The following FMR1NB variants were observed in gnomAD, a reference collection of about 807,000 sequenced individuals.
The protein encoded by FMR1NB is FMR1 neighbor protein.
FMR1NB carries 10 observed loss-of-function variants against 16.8 expected under a neutral mutation model. The ratio of observed to expected loss-of-function variants is 0.60; its 90% CI spans 0.37 to 1.01. The LOEUF (loss-of-function observed/expected upper bound fraction) is 1.01. Ranked by LOEUF, FMR1NB falls within the 50% of genes least tolerant of loss-of-function variation. The probability of loss-of-function intolerance (pLI) is 0.01; values close to 1 mark genes in which losing one functional copy is unlikely to be tolerated. For missense variants in FMR1NB, 205 were observed against 204.8 expected (o/e 1.00, Z 0.00); for synonymous variants, 83 against 79.1 (o/e 1.05, Z -0.26).
intron 1 of FMR1NB, among the ~76,000 whole-genome samples, chrX:147,997,942 T>A (rs1436594838): frequency 5.2e-4 from 58 of 112,451 alleles, no homozygotes; most frequent in African/African-American, 1.9e-3. Context: ...ATCATTAAAA[T>A]GTGTGGAAAC....
At chrX:147,999,107 C>T (rs1236794791) in intron 1 of FMR1NB, among the ~76,000 whole-genome samples, 1 of 111,760 alleles carries the variant, frequency 8.9e-6, no homozygotes, top group Non-Finnish European at 1.9e-5. Context: ...ACTTGTGTTT[C>T]ATGTCAAGCC....
intron 1 of FMR1NB, among the ~76,000 whole-genome samples, chrX:147,989,571 C>A (rs60366847): frequency 0.02 from 2,270 of 112,047 alleles, 57 homozygotes; most frequent in African/African-American, 0.069. Context: ...CTGCTCTCTT[C>A]AGAAGTGGCA....
chrX:148,001,766 A>G (rs2044571791), intron 1 of FMR1NB, among the ~76,000 whole-genome samples: 2 of 111,246 alleles, frequency 1.8e-5, no homozygotes, highest in Admixed American at 1.9e-4. Flanking sequence ...AAAATAAAAG[A>G]AAAGATAAAA....
At chrX:147,991,464 C>T (rs782241654) in intron 1 of FMR1NB, among the ~76,000 whole-genome samples, 2 of 109,717 alleles carry the variant, frequency 1.8e-5, no homozygotes, top group East Asian at 5.8e-4. Flanking sequence ...CCTCTTTCAC[C>T]TCCCCTCACA....
chrX:148,024,978 G>T lies in FMR1NB; in HGVS notation c.746G>T (p.Arg249Leu). Residue 249 changes from arginine to leucine, a missense_variant, in exon 5 of 6, where the codon CGT (arginine) becomes CTT (leucine). Coordinates refer to ENST00000370467, the MANE Select transcript of FMR1NB (RefSeq NM_152578.3). ...SEMLQKAARG[R>L]EEHGDE ...ATGTTACAGAAAGCAGCAAGAGGAC[G>T]TGAGGAACATGGTGACGAGTAGCAA... 1 of 1,210,824 alleles carries T rather than the reference G, an allele frequency of 8.3e-7. No homozygotes were observed.
At chrX:148,000,000 A>T (rs1462111464) in intron 1 of FMR1NB, among the ~76,000 whole-genome samples, 4 of 112,019 alleles carry the variant, frequency 3.6e-5, no homozygotes, top group African/African-American at 1.3e-4. Flanking sequence ...AAATAAAGAT[A>T]CAGAGCATTT....
chrX:148,017,827 A>G (rs1220519612), intron 4 of FMR1NB, among the ~76,000 whole-genome samples: 3 of 105,485 alleles, frequency 2.8e-5, no homozygotes, highest in Admixed American at 2.0e-4. Flanking sequence ...ACTGAGAATG[A>G]TGATTTCCAA....
At position 148,024,850 on chromosome X, in the gene FMR1NB, C is replaced by CT; in HGVS notation, c.633-10dup. 1 of 1,205,363 alleles carries CT rather than the reference C, an allele frequency of 8.3e-7. No homozygotes were observed. The highest frequency in any genetic ancestry group is 1.1e-6 in the Non-Finnish European group (1 of 891,951). ...AATGAGAAATAAGGTTTCACTTGAA[C>CT]TTTTTATGTTACAGCGAACCGGCCG... On this transcript the variant is annotated splice_polypyrimidine_tract_variant and intron_variant, in intron 4 of 5. Coordinates refer to ENST00000370467, the MANE Select transcript of FMR1NB (RefSeq NM_152578.3).
At chrX:148,022,494 A>G (rs190647330) in intron 4 of FMR1NB, among the ~76,000 whole-genome samples, 1 of 112,651 alleles carries the variant, frequency 8.9e-6, no homozygotes, top group Non-Finnish European at 1.9e-5. Flanking sequence ...TATTTAATAA[A>G]TGAGCAAATA....
In FMR1NB at chrX:148,001,376, AT is replaced by A. The variant is rs782589802; in HGVS notation, c.278-1817del. ...GAACATAATTACCATAAAATTTAGA[AT>A]TTTTTTTGACTTGACAAAACGATTT... On this transcript the variant is annotated intron_variant, in intron 1 of 5. Transcript: ENST00000370467. Among the ~76,000 whole-genome samples, 511 of 111,828 alleles carry A rather than the reference AT, an allele frequency of 4.6e-3. 4 individuals are homozygous for A. The highest frequency in any genetic ancestry group is 0.016 in the African/African-American group (486 of 30,867).
At chrX:148,010,593 G>C (rs2044618906) in intron 4 of FMR1NB, among the ~76,000 whole-genome samples, 1 of 111,314 alleles carries the variant, frequency 9.0e-6, no homozygotes, top group African/African-American at 3.3e-5. Context: ...AAAATATTAG[G>C]GTAGGTAAAA....
intron 4 of FMR1NB, among the ~76,000 whole-genome samples, chrX:148,014,090 A>G (rs1404456146): frequency 9.0e-6 from 1 of 111,160 alleles, no homozygotes; most frequent in African/African-American, 3.3e-5. Context: ...GCAAAAGGGA[A>G]CTAAGGGTAG....
At chrX:148,020,362 A>G (rs1444100684) in intron 4 of FMR1NB, among the ~76,000 whole-genome samples, 1 of 112,053 alleles carries the variant, frequency 8.9e-6, no homozygotes, top group Non-Finnish European at 1.9e-5. Flanking sequence ...GGGATTGGGT[A>G]CACTAAAAGC....
chrX:148,023,699 A>AT lies in FMR1NB; in HGVS notation c.633-1158dup, dbSNP rs200068077. On this transcript the variant is annotated intron_variant, in intron 4 of 5. Transcript: ENST00000370467. ...CTTTACCTCTGCCATGAACATTACT[A>AT]TTTTTTTTGGCTTATGTTTAGTTCT... 4.8e-3 allele frequency among the ~76,000 whole-genome samples: 537 copies of AT among 110,939 alleles called. 4 individuals are homozygous for AT. Among genetic ancestry groups the AT allele is most frequent in the African/African-American group, 0.015 (450 of 30,516 alleles).
intron 4 of FMR1NB, among the ~76,000 whole-genome samples, chrX:148,009,957 A>C: frequency 8.9e-6 from 1 of 112,193 alleles, no homozygotes; most frequent in East Asian, 2.8e-4. Flanking sequence ...ACAATAAAGT[A>C]ACATTTGCTA....
chrX:147,992,331 G>C (rs1263991945), intron 1 of FMR1NB, among the ~76,000 whole-genome samples: 1 of 79,367 alleles, frequency 1.3e-5, no homozygotes, highest in South Asian at 7.9e-4. Flanking sequence ...GGCTGGCCGG[G>C]CAGGGGGCTG....
chrX:147,982,755 G>A (rs1324650078), intron 1 of FMR1NB, among the ~76,000 whole-genome samples: 4 of 110,056 alleles, frequency 3.6e-5, no homozygotes, highest in Non-Finnish European at 1.9e-5. Context: ...TTAGCCAGGT[G>A]TGGTGGCAGG....
intron 1 of FMR1NB, among the ~76,000 whole-genome samples, chrX:147,997,118 T>C (rs782542770): frequency 1.1e-3 from 124 of 110,888 alleles, no homozygotes; most frequent in African/African-American, 4.0e-3. Flanking sequence ...GAGGCAATTG[T>C]CCCAGGGAAG....
intron 1 of FMR1NB, among the ~76,000 whole-genome samples, chrX:147,982,917 G>A (rs1358373053): frequency 8.9e-6 from 1 of 112,037 alleles, no homozygotes; most frequent in African/African-American, 3.2e-5. Context: ...AAAAATTGAA[G>A]TGAAATTCAT....
Sources: gnomAD v4.1 joint callset for allele counts (sites outside exome capture counted in the v4.1 genomes callset) on GRCh38, gnomAD v4.1.1 for gene constraint, MANE v1.5 for transcripts, NCBI Gene and HGNC (gene_info 2026-07-23, HGNC 2026-07-21) for gene names.